GUCY2D: variants seen among roughly 807,000 people sequenced by gnomAD.
GUCY2D encodes the protein retinal guanylyl cyclase 1.
GUCY2D carries 70 observed loss-of-function variants against 101.3 expected under a neutral mutation model. That is an observed-to-expected ratio of 0.69 (90% CI 0.57 to 0.84). The LOEUF (loss-of-function observed/expected upper bound fraction) is 0.84, where lower values mean the gene tolerates loss of function less well. Ranked by LOEUF, GUCY2D falls within the 40% of genes least tolerant of loss-of-function variation. The pLI, the probability that GUCY2D is intolerant of heterozygous loss-of-function variation, is 0.00. For synonymous variants in GUCY2D, 688 were observed against 670.7 expected (o/e 1.03, Z -0.40); for missense variants, 1,460 against 1,542.5 (o/e 0.95, Z 0.90).
chr17:8,019,343 G>C (rs192059023), intron 19 of GUCY2D, among the ~76,000 whole-genome samples: 2 of 152,326 alleles, frequency 1.3e-5, no homozygotes, highest in Admixed American at 1.3e-4. Flanking sequence ...AGGTGCAGAG[G>C]GATTAGCTGG....
In GUCY2D at chr17:8,014,338, C is replaced by T. The variant is rs118102619; in HGVS notation, c.2413-263C>T. 2,150 of 601,574 alleles carry T rather than the reference C, an allele frequency of 3.6e-3. 56 individuals are homozygous for T. The highest frequency in any genetic ancestry group is 0.036 in the East Asian group (1,261 of 35,370). The allele number at this position is 601,574 out of a possible 1,614,324, so 37.3% of individuals were successfully genotyped here. A position where few individuals can be genotyped will look rare whatever the true frequency, so the allele number is the denominator to read the frequency against. ...AAAGACCCTTGGCCTGGGAGCCCAA[C>T]GATTGGGCTGGCTCCAGTGCCCTGT... On this transcript the variant is annotated intron_variant, in intron 12 of 19. Transcript: ENST00000254854. The surrounding 1 kb of genome is among the most constrained non-coding windows in gnomAD (Gnocchi z 4.0).
intron 7 of GUCY2D, among the ~76,000 whole-genome samples, chr17:8,008,616 G>A (rs1303298458): frequency 6.6e-6 from 1 of 152,158 alleles, no homozygotes; most frequent in African/African-American, 2.4e-5. Context: ...TTCAGGTCAT[G>A]GGAAGGAATG....
In GUCY2D at chr17:8,003,099, G is replaced by T; in HGVS notation, c.52G>T (p.Gly18Cys). The T allele has an allele frequency of 6.6e-7, 1 of 1,523,356 alleles. No individual in the cohort carries two copies. The allele number at this position is 1,523,356 out of a possible 1,614,324, so 94.4% of individuals were successfully genotyped here. A position where few individuals can be genotyped will look rare whatever the true frequency, so the allele number is the denominator to read the frequency against. ...TGGGCTTCCGGACCCCGGGCTCTGC[G>T]GTCCCGCGTGGTGGGCTCCGTCCCT... Reference protein sequence around the residue: ...AGGLPDPGLCGPAWWAPSLPR... With the variant: ...AGGLPDPGLCCPAWWAPSLPR... Residue 18 changes from glycine (G) to cysteine (C), a missense_variant, in exon 2 of 20, where the codon GGT (glycine) becomes TGT (cysteine). Coordinates refer to ENST00000254854, the MANE Select transcript of GUCY2D (RefSeq NM_000180.4).
rs1325253963 is a variant in GUCY2D, at chr17:8,014,650, T to C, written c.2462T>C (p.Leu821Pro). 2 of 1,614,078 alleles carry C rather than the reference T, an allele frequency of 1.2e-6. No individual in the cohort carries two copies. Among genetic ancestry groups the C allele is most frequent in the Non-Finnish European group, 1.7e-6 (2 of 1,179,962 alleles). The change falls in exon 13 of 20, where the codon CTT (leucine) becomes CCT (proline). Residue 821 changes from leucine (L) to proline (P), a missense_variant. Around this residue, in one of 3 missense-constraint regions of GUCY2D, gnomAD observed 1,196 missense variants for 1,229.6 expected, o/e 0.97. Coordinates refer to ENST00000254854, the MANE Select transcript of GUCY2D (RefSeq NM_000180.4). The surrounding 1 kb of genome is among the most constrained non-coding windows in gnomAD (Gnocchi z 4.0). ...AAGACGAACATCATTGACTCGATGCTTCGGATGCTGGAGCAGTACTCTAGT... is the reference window on the plus strand; with the variant it reads ...AAGACGAACATCATTGACTCGATGCCTCGGATGCTGGAGCAGTACTCTAGT... ...GRKTNIIDSM[L>P]RMLEQYSSNL...
At chr17:8,012,724 C>T in intron 10 of GUCY2D, 118 bp downstream of exon 10, 2 of 839,176 alleles carry the variant, frequency 2.4e-6, no homozygotes, top group Admixed American at 2.0e-5. Context: ...CCACCAGACA[C>T]AATTCCTGCT....
At position 8,012,485 on chromosome 17, in the gene GUCY2D, T is replaced by C. The variant is rs1598149187; in HGVS notation, c.1992T>C (p.His664=). The C allele has an allele frequency of 6.2e-7, 1 of 1,614,060 alleles. No individual in the cohort carries two copies. The highest frequency in any genetic ancestry group is 1.1e-5 in the South Asian group (1 of 91,076). Reference sequence around the variant, plus strand: ...ATCTGCACCATCGAGGCGTGGCTCATGGGCGGCTGAAGTCACGGAACTGCA... The same window carrying C: ...ATCTGCACCATCGAGGCGTGGCTCACGGGCGGCTGAAGTCACGGAACTGCA... The part of the protein sequence containing the change: ...IRYLHHRGVA[H]GRLKSRNCIV... Residue 664 remains histidine (H), a synonymous_variant, in exon 10 of 20, where the codon CAT becomes CAC. Transcript: ENST00000254854.
In GUCY2D at chr17:8,016,564, C is replaced by G; in HGVS notation, c.*24+10C>G. 7.3e-7 allele frequency: 1 copy of G among 1,373,122 alleles called. No homozygotes were observed. The highest frequency in any genetic ancestry group is 1.0e-6 in the Non-Finnish European group (1 of 991,334). 85.1% of individuals were successfully genotyped at this position (1,373,122 alleles called of 1,614,324 possible). ...GCCCGGCCCCGGACAGGTACTGCCC[C>G]CTCAGCCCCAACCCCAGCTGCCGCG... is the stretch of plus-strand genomic sequence containing the variant. On this transcript the variant is annotated intron_variant, in intron 19 of 19. Transcript: ENST00000254854.
chr17:8,006,120 G>A (rs1975732051), intron 3 of GUCY2D, among the ~76,000 whole-genome samples: 1 of 152,080 alleles, frequency 6.6e-6, no homozygotes, highest in Non-Finnish European at 1.5e-5. Context: ...GAGAGCAGGT[G>A]TGACAGCCAA....
intron 3 of GUCY2D, among the ~76,000 whole-genome samples, chr17:8,005,068 C>A (rs551724597): frequency 6.6e-6 from 1 of 152,272 alleles, no homozygotes; most frequent in African/African-American, 2.4e-5. Flanking sequence ...CACAGCAGTC[C>A]TCTCCACTGC....
Position 8,014,014 on chromosome 17 carries a change from C to T in GUCY2D, c.2398C>T (p.His800Tyr), listed in dbSNP as rs1489210233. 1 of 1,613,270 alleles carries T rather than the reference C, an allele frequency of 6.2e-7. No individual in the cohort carries two copies. The highest frequency in any genetic ancestry group is 2.2e-5 in the East Asian group (1 of 44,882). ...EQPELRPSMD[H>Y]TFDLFKNINK... Reference sequence around the variant, plus strand: ...GCCGGAACTTCGGCCCTCCATGGACCACACCTTCGACCTGGTCAGGGGCTG... The same window carrying T: ...GCCGGAACTTCGGCCCTCCATGGACTACACCTTCGACCTGGTCAGGGGCTG... Residue 800 changes from histidine (H) to tyrosine (Y), a missense_variant, in exon 12 of 20, where the codon CAC becomes TAC. Transcript: ENST00000254854. This position sits in a 1 kb window ranked among gnomAD's most constrained non-coding sequence, Gnocchi z 4.0.
chr17:8,009,583 C>T lies in GUCY2D; in HGVS notation c.1746C>T (p.Ser582=). ...GCCCAGCAACCAAGACGGCCTTCTC[C>T]AAGGTGAGACTTGGGCCTGTGATGG... ...AIRPATKTAF[S]KLQELRHENV... The change falls in exon 8 of 20, where the codon TCC becomes TCT. Residue 582 remains serine, a synonymous_variant. Coordinates refer to ENST00000254854, the MANE Select transcript of GUCY2D (RefSeq NM_000180.4). 2 of 1,607,636 alleles carry T rather than the reference C, an allele frequency of 1.2e-6. No individual in the cohort carries two copies. Among genetic ancestry groups the T allele is most frequent in the Non-Finnish European group, 8.5e-7 (1 of 1,174,048 alleles).
chr17:8,015,567 T>G, intron 15 of GUCY2D, 65 bp downstream of exon 15: 2 of 1,463,648 alleles, frequency 1.4e-6, no homozygotes, highest in Non-Finnish European at 1.9e-6. Flanking sequence ...CCAGATTTCC[T>G]GTAGAGGAGG....
In GUCY2D at chr17:8,013,913, T is replaced by A; in HGVS notation, c.2297T>A (p.Leu766Gln). 6.2e-7 allele frequency: 1 copy of A among 1,613,662 alleles called. No individual in the cohort carries two copies. The change falls in exon 12 of 20, where the codon CTG (leucine) becomes CAG (glutamine). Residue 766 changes from leucine (L) to glutamine (Q), a missense_variant. Around this residue, in one of 3 missense-constraint regions of GUCY2D, gnomAD observed 1,196 missense variants for 1,229.6 expected, o/e 0.97. Coordinates refer to ENST00000254854, the MANE Select transcript of GUCY2D (RefSeq NM_000180.4). The surrounding 1 kb of genome is among the most constrained non-coding windows in gnomAD (Gnocchi z 5.0). ...CAGAGGGTGCGGAGCCCCCCTCCAC[T>A]GTGTCGGCCCTTGGTGTCCATGGAC... ...VVQRVRSPPP[L>Q]CRPLVSMDQA...
In GUCY2D at chr17:8,016,456, G is replaced by C. The variant is rs371919912; in HGVS notation, c.3238G>C (p.Gly1080Arg). Residue 1080 changes from glycine (G) to arginine (R), a missense_variant, in exon 19 of 20, where the codon GGC becomes CGC. Coordinates refer to ENST00000254854, the MANE Select transcript of GUCY2D (RefSeq NM_000180.4). ...CCCTCCTTGCAGGTCCAGCAACCAC[G>C]GCATCAGCCTGCAGGAGATCCCACC... The part of the protein sequence containing the change: ...PDLQPGSSNH[G>R]ISLQEIPPER... The C allele has an allele frequency of 1.7e-4, 260 of 1,570,284 alleles. No individual in the cohort carries two copies. Among genetic ancestry groups the C allele is most frequent in the Non-Finnish European group, 1.9e-4 (216 of 1,158,264 alleles).
At position 8,003,999 on chromosome 17, in the gene GUCY2D, A is replaced by C; in HGVS notation, c.869A>C (p.Glu290Ala). The change falls in exon 3 of 20, where the codon GAG (glutamate) becomes GCG (alanine). Residue 290 changes from glutamate (E) to alanine (A), a missense_variant. Transcript: ENST00000254854. Reference sequence around the variant, plus strand: ...CACTACGCCTTGTCCCCAGGCCCGGAGGCCTTGGCCGCACTCGCCAACAGC... The same window carrying C: ...CACTACGCCTTGTCCCCAGGCCCGGCGGCCTTGGCCGCACTCGCCAACAGC... ...TIHYALSPGPEALAALANSSQ... is the reference protein window; with the variant it reads ...TIHYALSPGPAALAALANSSQ... 6.2e-7 allele frequency: 1 copy of C among 1,613,336 alleles called. No individual in the cohort carries two copies. The highest frequency in any genetic ancestry group is 8.5e-7 in the Non-Finnish European group (1 of 1,179,920).
chr17:8,015,212 C>A, intron 14 of GUCY2D, 116 bp from the exon 15 acceptor site: 2 of 1,114,256 alleles, frequency 1.8e-6, no homozygotes, highest in Non-Finnish European at 2.7e-6. Flanking sequence ...TCAGTCCTTC[C>A]ACTAGCAACC....
rs560379930 is a variant in GUCY2D at position 8,004,879 on chromosome 17, A to C, written c.1026+723A>C. 9.9e-5 allele frequency among the ~76,000 whole-genome samples: 15 copies of C among 152,268 alleles called. No individual in the cohort carries two copies. In the South Asian group the frequency reaches 1.4e-3, roughly 15 times the overall value. ...TGCAATTTCCCATCGATGCCCCTAG[A>C]TTCTTCCAAGAGGATTGGAGGTGTC... On this transcript the variant is annotated intron_variant, in intron 3 of 19. Coordinates refer to ENST00000254854, the MANE Select transcript of GUCY2D (RefSeq NM_000180.4).
rs780391826 is a variant in GUCY2D at position 8,013,294 on chromosome 17, C to T, written c.2263+42C>T. 3.4e-5 allele frequency: 55 copies of T among 1,601,862 alleles called. No individual in the cohort carries two copies. Among genetic ancestry groups the T allele is most frequent in the Non-Finnish European group, 4.5e-5 (53 of 1,170,270 alleles). On this transcript the variant is annotated intron_variant, in intron 11 of 19. Transcript: ENST00000254854. The surrounding 1 kb of genome is among the most constrained non-coding windows in gnomAD (Gnocchi z 5.0). Reference sequence around the variant, plus strand: ...CGTGGAGTTCGGCCCACAGGGGCACCCTGCAGTTAGAAAAGAGCCAGCCTC... The same window carrying T: ...CGTGGAGTTCGGCCCACAGGGGCACTCTGCAGTTAGAAAAGAGCCAGCCTC...
intron 18 of GUCY2D, 61 bp downstream of exon 18, chr17:8,016,351 T>C: frequency 6.9e-7 from 1 of 1,442,244 alleles, no homozygotes; most frequent in Non-Finnish European, 9.5e-7. Flanking sequence ...CTGCTCTGTG[T>C]CTGACCCCCC....
Sources: gnomAD v4.1 joint callset for allele counts (sites outside exome capture counted in the v4.1 genomes callset) on GRCh38, gnomAD v4.1.1 for gene constraint, gnomAD v4.1.1 regional missense constraint, Gnocchi (gnomAD v3.1) non-coding constraint, MANE v1.5 for transcripts, NCBI Gene and HGNC (gene_info 2026-07-23, HGNC 2026-07-21) for gene names.